CFAP54: variants seen among roughly 807,000 people sequenced by gnomAD.
CFAP54 encodes the protein cilia- and flagella-associated protein 54.
Under a neutral mutation model 370.4 loss-of-function variants are expected in CFAP54, and 290 were observed. The ratio of observed to expected loss-of-function variants is 0.78; its 90% CI spans 0.71 to 0.86. The LOEUF is 0.86. Ranked by LOEUF, CFAP54 falls within the 40% of genes least tolerant of loss-of-function variation. The pLI is 0.00. For synonymous variants in CFAP54, 1,206 were observed against 1,236.5 expected, an observed-to-expected ratio of 0.98 and a Z score of 0.52; for missense variants, 3,399 against 3,528.7, an observed-to-expected ratio of 0.96 and a Z score of 0.93.
chr12:96,658,369 A>C, intron 38 of CFAP54, 23 bp downstream of exon 38: 1 of 1,612,378 alleles, frequency 6.2e-7, no homozygotes, highest in South Asian at 1.1e-5. Context: ...TAGTTCTATT[A>C]TTCATGCTGT....
rs1015473635 is a variant in CFAP54, at chr12:96,672,430, A to G, written c.5564-7170A>G. On this transcript the variant is annotated intron_variant, in intron 39 of 67. Transcript: ENST00000524981. Reference sequence around the variant, plus strand: ...AAGCAAGGGGCTGCGAGTATAGCCAATATTGATTGGGTTGGAGATTTCAGA... The same window carrying G: ...AAGCAAGGGGCTGCGAGTATAGCCAGTATTGATTGGGTTGGAGATTTCAGA... 1.5e-4 allele frequency among the ~76,000 whole-genome samples: 23 copies of G among 152,190 alleles called. 1 individual carries two copies. The highest frequency in any genetic ancestry group is 4.3e-4 in the African/African-American group (18 of 41,444).
chr12:96,858,097 A>G (rs1959763670), intron 66 of CFAP54, among the ~76,000 whole-genome samples: 1 of 152,130 alleles, frequency 6.6e-6, no homozygotes, highest in Admixed American at 6.5e-5. Context: ...GCTTTCCACA[A>G]TGGTTGAACT....
At position 96,534,125 on chromosome 12, in the gene CFAP54, C is replaced by T; in HGVS notation, c.1603C>T (p.Pro535Ser). ...TTTAACTCTTCTGATTGCAATGGAA[C>T]CACTAATCAACGTGAAGAGAAACAA... ...KDLTLLIAME[P>S]LINVKRNKGL... Residue 535 changes from proline to serine, a missense_variant, in exon 11 of 68, where the codon CCA becomes TCA. Physicochemically the swap from Pro to Ser is moderately conservative, Grantham distance 74 (BLOSUM62 -1). Transcript: ENST00000524981. The T allele has an allele frequency of 2.0e-6, 3 of 1,533,360 alleles. No individual in the cohort carries two copies. The highest frequency in any genetic ancestry group is 2.6e-6 in the Non-Finnish European group (3 of 1,145,078). The allele number at this position is 1,533,360 out of a possible 1,614,324, so 95.0% of individuals were successfully genotyped here. A position where few individuals can be genotyped will look rare whatever the true frequency, so the allele number is the denominator to read the frequency against.
chr12:96,760,792 T>TTTG (rs1165896087), intron 58 of CFAP54, among the ~76,000 whole-genome samples: 1 of 152,180 alleles, frequency 6.6e-6, no homozygotes, highest in African/African-American at 2.4e-5. Flanking sequence ...TAACGGTAGT[T>TTTG]TTGTTGTTGT....
chr12:96,706,136 C>T (rs144544043), intron 47 of CFAP54, among the ~76,000 whole-genome samples: 52 of 152,138 alleles, frequency 3.4e-4, no homozygotes, highest in African/African-American at 1.1e-3. Flanking sequence ...CAGAAAAACT[C>T]CAAGCTCTCA....
At chr12:96,785,163 C>G (rs954866944) in intron 61 of CFAP54, among the ~76,000 whole-genome samples, 1 of 152,168 alleles carries the variant, frequency 6.6e-6, no homozygotes, top group Non-Finnish European at 1.5e-5. Flanking sequence ...TCCAAGACCA[C>G]TGCCAAAGTT....
chr12:96,776,198 G>T (rs1958517159), intron 60 of CFAP54, among the ~76,000 whole-genome samples: 1 of 151,926 alleles, frequency 6.6e-6, no homozygotes, highest in African/African-American at 2.4e-5. Flanking sequence ...AGTAATCAAT[G>T]ATGTTAAGAA....
rs1235138907 is a variant in CFAP54 at position 96,757,831 on chromosome 12, G to A, written c.8040+243G>A. ...CCTGTGAAAATGTTATCCATAAAAT[G>A]TAACTGTACATAAATATATACTTAA... On this transcript the variant is annotated intron_variant, in intron 58 of 67. Coordinates refer to ENST00000524981, the MANE Select transcript of CFAP54 (RefSeq NM_001306084.2). Among the ~76,000 whole-genome samples, 3 of 152,060 alleles carry A rather than the reference G, an allele frequency of 2.0e-5. No homozygotes were observed. The South Asian group carries it at 6.2e-4, about 31-fold the overall frequency.
chr12:96,671,928 A>AAGAG (rs376205736), intron 39 of CFAP54, among the ~76,000 whole-genome samples: 2 of 150,096 alleles, frequency 1.3e-5, no homozygotes, highest in African/African-American at 2.4e-5. Flanking sequence ...TATCTCAAAA[A>AAGAG]AGAGAGAGAG....
In CFAP54 at chr12:96,576,838, A is replaced by T. The variant is rs114784694; in HGVS notation, c.2796+77A>T. On this transcript the variant is annotated intron_variant, in intron 20 of 67. Coordinates refer to ENST00000524981, the MANE Select transcript of CFAP54 (RefSeq NM_001306084.2). ...TATAACTACCATGATTCATACTTTG[A>T]TTGCTTTTAGGAACTGGATAGTCTT... 3,110 of 1,243,998 alleles carry T rather than the reference A, an allele frequency of 2.5e-3. 52 individuals are homozygous for T. The African/African-American group carries it at 0.039, about 15-fold the overall frequency. The allele number at this position is 1,243,998 out of a possible 1,614,324, so 77.1% of individuals were successfully genotyped here. A position where few individuals can be genotyped will look rare whatever the true frequency, so the allele number is the denominator to read the frequency against.
At chr12:96,838,655 T>G (rs34441) in intron 66 of CFAP54, among the ~76,000 whole-genome samples, 152,207 of 152,208 alleles carry the variant, frequency 1, 76,103 homozygotes, top group Non-Finnish European at 1. Flanking sequence ...CCTATGATCC[T>G]ATCACCTCCC....
intron 26 of CFAP54, among the ~76,000 whole-genome samples, chr12:96,617,405 C>T (rs1277991243): frequency 6.6e-6 from 1 of 152,180 alleles, no homozygotes; most frequent in Non-Finnish European, 1.5e-5. Flanking sequence ...CTAACAATTT[C>T]AAGGGTGCAC....
intron 66 of CFAP54, among the ~76,000 whole-genome samples, chr12:96,832,472 TTCCAA>T (rs1473159948): frequency 3.3e-5 from 5 of 152,010 alleles, no homozygotes; most frequent in African/African-American, 9.7e-5. Context: ...AAAGTACAAA[TTCCAA>T]CCTCTCACAG....
At chr12:96,640,817 C>A (rs11829850) in intron 32 of CFAP54, among the ~76,000 whole-genome samples, 36 of 152,188 alleles carry the variant, frequency 2.4e-4, no homozygotes, top group African/African-American at 7.9e-4. Flanking sequence ...GAAAAACAAG[C>A]AATGGGGAAA....
intron 28 of CFAP54, 78 bp from the exon 29 acceptor site, chr12:96,625,640 G>A (rs1421939625): frequency 3.8e-6 from 3 of 795,912 alleles, no homozygotes; most frequent in African/African-American, 3.5e-5. Context: ...TTAAAGAATT[G>A]TTATTGTGAA....
intron 55 of CFAP54, among the ~76,000 whole-genome samples, chr12:96,744,686 TTTA>T (rs762175529): frequency 1.2e-4 from 18 of 152,182 alleles, no homozygotes; most frequent in Admixed American, 8.5e-4. Flanking sequence ...TAGTTTATTT[TTTA>T]TTATTTATTT....
At chr12:96,654,080 A>G (rs1007167070) in intron 36 of CFAP54, among the ~76,000 whole-genome samples, 2 of 152,260 alleles carry the variant, frequency 1.3e-5, no homozygotes, top group Non-Finnish European at 2.9e-5. Context: ...CCCTAAATGT[A>G]CTAACAAACT....
chr12:96,677,529 G>T (rs552980254), intron 39 of CFAP54, among the ~76,000 whole-genome samples: 1 of 152,152 alleles, frequency 6.6e-6, no homozygotes, highest in South Asian at 2.1e-4. Flanking sequence ...GGGGCATGAG[G>T]AGTAGGAGGT....
chr12:96,679,843 C>G, intron 40 of CFAP54, 91 bp downstream of exon 40: 1 of 1,306,328 alleles, frequency 7.7e-7, no homozygotes, highest in Non-Finnish European at 1.1e-6. Flanking sequence ...TTCTTCCCTC[C>G]CCGTGTACAT....
Sources: allele counts gnomAD v4.1 joint callset (sites outside exome capture counted in the v4.1 genomes callset), GRCh38; gene constraint gnomAD v4.1.1; transcripts MANE v1.5; gene names NCBI Gene and HGNC (gene_info 2026-07-23, HGNC 2026-07-21).